The following LEMD3 variants were observed in gnomAD, a reference collection of about 807,000 sequenced individuals.
LEMD3 encodes the protein LEM domain containing 3, also known as inner nuclear membrane protein Man1.
In LEMD3, 33 loss-of-function variants were observed where a neutral mutation model predicts 95.2. That is an observed-to-expected ratio of 0.35 (90% CI 0.26 to 0.46). The LOEUF (loss-of-function observed/expected upper bound fraction) is 0.46, where lower values mean the gene tolerates loss of function less well. LEMD3 is among the 20% of genes least tolerant of loss of function. The pLI is 1.00. For synonymous variants in LEMD3, 525 were observed against 474.6 expected, an observed-to-expected ratio of 1.11 and a Z score of -1.38; for missense variants, 1,210 against 1,192.8, an observed-to-expected ratio of 1.01 and a Z score of -0.21.
At chr12:65,244,100 C>T (rs1250396718) in intron 10 of LEMD3, among the ~76,000 whole-genome samples, 1 of 152,116 alleles carries the variant, frequency 6.6e-6, no homozygotes, top group Non-Finnish European at 1.5e-5. Context: ...AGTGATAGTA[C>T]AGATCAAATT....
intron 1 of LEMD3, among the ~76,000 whole-genome samples, chr12:65,185,020 C>G (rs754402751): frequency 5.3e-5 from 8 of 151,984 alleles, no homozygotes; most frequent in African/African-American, 7.2e-5. Context: ...CTCTGTTGCC[C>G]AGGCTAGCCT....
At chr12:65,180,902 C>T (rs960885887) in intron 1 of LEMD3, among the ~76,000 whole-genome samples, 1 of 151,852 alleles carries the variant, frequency 6.6e-6, no homozygotes, top group East Asian at 1.9e-4. Flanking sequence ...TAGAAAAAAC[C>T]CTTTAGTAGC....
At chr12:65,219,710 G>A (rs1173672835) in intron 4 of LEMD3, among the ~76,000 whole-genome samples, 6 of 152,174 alleles carry the variant, frequency 3.9e-5, no homozygotes, top group South Asian at 4.1e-4. Context: ...GCAGGCCCCC[G>A]TTTTCCTCTG....
At chr12:65,222,655 C>T (rs1008964868) in intron 4 of LEMD3, among the ~76,000 whole-genome samples, 2 of 151,854 alleles carry the variant, frequency 1.3e-5, no homozygotes, top group African/African-American at 4.8e-5. Flanking sequence ...TTTATTTTTG[C>T]TCCAATCTTT....
At chr12:65,205,271 C>T (rs187847443) in intron 1 of LEMD3, among the ~76,000 whole-genome samples, 30 of 152,250 alleles carry the variant, frequency 2.0e-4, no homozygotes, top group Admixed American at 1.0e-3. Context: ...TAGGTGGGGA[C>T]ACAGAGCCTA....
chr12:65,179,927 T>C (rs954899447), intron 1 of LEMD3, among the ~76,000 whole-genome samples: 2 of 152,162 alleles, frequency 1.3e-5, no homozygotes, highest in Admixed American at 6.5e-5. Context: ...TTAGATTTAT[T>C]TTTAACATAG....
chr12:65,210,878 T>A, intron 1 of LEMD3, 48 bp from the exon 2 acceptor site: 2 of 1,409,874 alleles, frequency 1.4e-6, no homozygotes, highest in Non-Finnish European at 2.0e-6. Context: ...TGGGGGATTT[T>A]AATTCGTAAG....
chr12:65,212,968 A>G (rs919449358), intron 2 of LEMD3, among the ~76,000 whole-genome samples: 1 of 152,222 alleles, frequency 6.6e-6, no homozygotes, highest in Non-Finnish European at 1.5e-5. Flanking sequence ...GTGTACTTGT[A>G]CTAAAGATAA....
chr12:65,227,008 T>C (rs150366612), intron 4 of LEMD3, among the ~76,000 whole-genome samples: 1 of 150,842 alleles, frequency 6.6e-6, no homozygotes, highest in East Asian at 1.9e-4. Flanking sequence ...TTATGGATAG[T>C]GTAATAGCTA....
chr12:65,169,693 G>C lies in LEMD3; in HGVS notation c.97G>C (p.Glu33Gln). ...CGGCCTGTCTCCCGGACCAGTGACGGAGAGCACCCGCCCGGTCTACCTCAA... is the reference window on the plus strand; with the variant it reads ...CGGCCTGTCTCCCGGACCAGTGACGCAGAGCACCCGCCCGGTCTACCTCAA... ...RYGLSPGPVT[E>Q]STRPVYLKKL... Residue 33 changes from glutamate (E) to glutamine (Q), a missense_variant, in exon 1 of 13, where the codon GAG (glutamate) becomes CAG (glutamine). Physicochemically the swap from Glu to Gln is conservative, Grantham distance 29 (BLOSUM62 2). This residue lies in a region of LEMD3 where 749 missense variants were observed against 622.9 expected (regional missense o/e 1.20). Coordinates refer to ENST00000308330, the MANE Select transcript of LEMD3 (RefSeq NM_014319.5). 7 of 1,585,120 alleles carry C rather than the reference G, an allele frequency of 4.4e-6. No individual in the cohort carries two copies. Among genetic ancestry groups the C allele is most frequent in the Non-Finnish European group, 5.1e-6 (6 of 1,166,372 alleles).
intron 4 of LEMD3, among the ~76,000 whole-genome samples, chr12:65,226,291 T>C (rs1292113114): frequency 1.3e-5 from 2 of 151,986 alleles, no homozygotes; most frequent in African/African-American, 4.8e-5. Context: ...CCCTGTGGGG[T>C]GATGAGAGTG....
rs2136313703 is a variant in LEMD3, at chr12:65,171,015, G to A, written c.1419G>A (p.Leu473=). Residue 473 remains leucine (L), a synonymous_variant, in exon 1 of 13, where the codon TTG becomes TTA. Transcript: ENST00000308330. ...CAGGGAGTTTCAGTGCCCACTACTT[G>A]TCGATGTTTCTCTTAACTGCTGCCT... ...SPTGSFSAHY[L]SMFLLTAACL... 6.2e-7 allele frequency: 1 copy of A among 1,614,186 alleles called. No homozygotes were observed. Among genetic ancestry groups the A allele is most frequent in the African/African-American group, 1.3e-5 (1 of 75,036 alleles).
chr12:65,235,182 G>A (rs908314631), intron 4 of LEMD3, among the ~76,000 whole-genome samples: 1 of 152,064 alleles, frequency 6.6e-6, no homozygotes, highest in Non-Finnish European at 1.5e-5. Flanking sequence ...ATGTATGGTA[G>A]TGACAACATT....
chr12:65,197,485 A>G (rs1306630033), intron 1 of LEMD3, among the ~76,000 whole-genome samples: 1 of 152,164 alleles, frequency 6.6e-6, no homozygotes, highest in Admixed American at 6.6e-5. Flanking sequence ...TCAAGGTTCC[A>G]TATATTATAA....
intron 1 of LEMD3, among the ~76,000 whole-genome samples, chr12:65,185,490 C>T (rs1391153014): frequency 2.6e-5 from 4 of 151,846 alleles, no homozygotes; most frequent in South Asian, 2.1e-4. Context: ...AATGGTATTT[C>T]AATACTGCTG....
chr12:65,227,804 C>T lies in LEMD3; in HGVS notation c.1695+9185C>T, dbSNP rs569569426. Among the ~76,000 whole-genome samples the T allele has an allele frequency of 3.7e-3, 540 of 145,288 alleles. 3 individuals carry two copies. The highest frequency in any genetic ancestry group is 0.013 in the African/African-American group (515 of 39,084). On this transcript the variant is annotated intron_variant, in intron 4 of 12. Transcript: ENST00000308330. ...TTTTGTGTGGCCCAAGACAGTTCTTCCAGTGGGGCCAAGGGAAGCCAAAAG... is the reference window on the plus strand; with the variant it reads ...TTTTGTGTGGCCCAAGACAGTTCTTTCAGTGGGGCCAAGGGAAGCCAAAAG...
intron 1 of LEMD3, among the ~76,000 whole-genome samples, chr12:65,205,480 A>G (rs950115612): frequency 1.3e-5 from 2 of 152,178 alleles, no homozygotes; most frequent in Non-Finnish European, 2.9e-5. Context: ...ACTTCCTTAG[A>G]CACATTGTTT....
intron 9 of LEMD3, 24 bp downstream of exon 9, chr12:65,241,111 A>C: frequency 6.2e-7 from 1 of 1,600,428 alleles, no homozygotes; most frequent in Non-Finnish European, 8.6e-7. Context: ...AACATCAAAA[A>C]AGTAATTTTC....
intron 1 of LEMD3, among the ~76,000 whole-genome samples, chr12:65,188,749 G>A (rs972930953): frequency 1.3e-5 from 2 of 152,088 alleles, no homozygotes; most frequent in Admixed American, 1.3e-4. Context: ...TCTCAGTATG[G>A]AATACAAAAG....
Sources: allele counts gnomAD v4.1 joint callset (sites outside exome capture counted in the v4.1 genomes callset), GRCh38; gene constraint gnomAD v4.1.1; regional missense constraint gnomAD v4.1.1; transcripts MANE v1.5; gene names NCBI Gene and HGNC (gene_info 2026-07-23, HGNC 2026-07-21).